CFAP20DC: variants seen among roughly 807,000 people sequenced by gnomAD.
CFAP20DC encodes CFAP20 domain containing, also known as protein CFAP20DC.
A neutral mutation model predicts 101.7 loss-of-function variants in CFAP20DC; 84 were observed. The ratio of observed to expected loss-of-function variants is 0.83; its 90% CI spans 0.69 to 0.99. The LOEUF is 0.99. CFAP20DC is among the 50% of genes least tolerant of loss of function. CFAP20DC has a pLI of 0.00. For missense variants in CFAP20DC, 1,007 were observed against 970.3 expected (o/e 1.04, Z -0.50); for synonymous variants, 359 against 351.2 (o/e 1.02, Z -0.25).
chr3:59,010,104 C>A (rs2093546392), intron 4 of CFAP20DC, among the ~76,000 whole-genome samples: 1 of 151,994 alleles, frequency 6.6e-6, no homozygotes, highest in Non-Finnish European at 1.5e-5. Flanking sequence ...AATAGAACCT[C>A]CTTAAAGCAT....
At chr3:58,996,889 C>T (rs1195715774) in intron 4 of CFAP20DC, among the ~76,000 whole-genome samples, 2 of 152,186 alleles carry the variant, frequency 1.3e-5, no homozygotes, top group East Asian at 1.9e-4. Flanking sequence ...CTGGGAAGAG[C>T]GCACACCGGG....
chr3:58,808,172 T>G (rs182668741), intron 14 of CFAP20DC, among the ~76,000 whole-genome samples: 1 of 152,150 alleles, frequency 6.6e-6, no homozygotes, highest in African/African-American at 2.4e-5. Flanking sequence ...TTCCCCAATC[T>G]AGCAAGGCAG....
intron 4 of CFAP20DC, among the ~76,000 whole-genome samples, chr3:58,974,814 T>C (rs1559925902): frequency 6.6e-6 from 1 of 152,160 alleles, no homozygotes; most frequent in Non-Finnish European, 1.5e-5. Context: ...AGCCCACTGC[T>C]ACTGGGCCAG....
chr3:58,800,864 G>T (rs1277365647), intron 15 of CFAP20DC, among the ~76,000 whole-genome samples: 1 of 151,804 alleles, frequency 6.6e-6, no homozygotes, highest in Non-Finnish European at 1.5e-5. Flanking sequence ...AGAGACACAA[G>T]AAAAAAAATC....
intron 3 of CFAP20DC, among the ~76,000 whole-genome samples, chr3:58,725,267 A>T (rs757256857): frequency 6.6e-6 from 1 of 152,164 alleles, no homozygotes; most frequent in African/African-American, 2.4e-5. Flanking sequence ...TCATCAGTGG[A>T]GAGCTCTGGC....
In CFAP20DC at chr3:58,892,203, C is replaced by T. The variant is rs1242818296; in HGVS notation, c.551-7494G>A. Among the ~76,000 whole-genome samples the T allele has an allele frequency of 1.3e-5, 2 of 152,102 alleles. No homozygotes were observed. Among genetic ancestry groups the T allele is most frequent in the African/African-American group, 2.4e-5 (1 of 41,414 alleles). On this transcript the variant is annotated intron_variant, in intron 6 of 16. Transcript: ENST00000482387. The surrounding 1 kb of genome is among the most constrained non-coding windows in gnomAD (Gnocchi z 4.0). ...TTCCACTGGTCTATGTGCCTGTTTT[C>T]GTATCAGTACCATGCTCTTTTGGTT...
chr3:58,891,452 AGGG>A (rs1473670704), intron 6 of CFAP20DC, among the ~76,000 whole-genome samples: 1 of 151,058 alleles, frequency 6.6e-6, no homozygotes, highest in East Asian at 2.0e-4. Context: ...GGAGAGGGAG[AGGG>A]AGAGGGAGAG....
At chr3:58,753,747 A>T (rs2107260529) in intron 16 of CFAP20DC, 22 bp downstream of exon 16, 1 of 1,452,252 alleles carries the variant, frequency 6.9e-7, no homozygotes, top group Non-Finnish European at 9.7e-7. Flanking sequence ...TTTCTTATGC[A>T]TATCGTTTTT....
intron 13 of CFAP20DC, among the ~76,000 whole-genome samples, chr3:58,837,663 C>G (rs2076829549): frequency 6.6e-6 from 1 of 152,010 alleles, no homozygotes; most frequent in Non-Finnish European, 1.5e-5. Context: ...ACAGTCTTAG[C>G]AGTGAAAAAA....
At chr3:58,980,882 A>G (rs987003265) in intron 4 of CFAP20DC, among the ~76,000 whole-genome samples, 5 of 152,246 alleles carry the variant, frequency 3.3e-5, no homozygotes, top group South Asian at 2.1e-4. Context: ...AAGGAAATAA[A>G]GGGTATTCAA....
At chr3:58,720,016 C>T (rs1187125402) in intron 3 of CFAP20DC, among the ~76,000 whole-genome samples, 2 of 152,246 alleles carry the variant, frequency 1.3e-5, no homozygotes, top group African/African-American at 2.4e-5. Flanking sequence ...GGGGCTTTTT[C>T]TGACCATGCC....
rs149873277 is a variant in CFAP20DC at position 58,926,132 on chromosome 3, G to A, written c.393+11516C>T. On this transcript the variant is annotated intron_variant, in intron 5 of 16. Transcript: ENST00000482387. ...TGTAATCCCAGCACTTTGGGAGGCT[G>A]AGGAAGGTGGATCATTTGAGGTCAG... Among the ~76,000 whole-genome samples, 709 of 152,160 alleles carry A rather than the reference G, an allele frequency of 4.7e-3. 3 individuals are homozygous for A. The highest frequency in any genetic ancestry group is 0.016 in the African/African-American group (681 of 41,524).
At chr3:58,941,327 C>CAAAAAAAAAAAAAAAAAAAAA (rs752324535) in intron 4 of CFAP20DC, among the ~76,000 whole-genome samples, 2 of 19,510 alleles carry the variant, frequency 1.0e-4, no homozygotes, top group African/African-American at 3.7e-4. Flanking sequence ...GACTCCGTCT[C>CAAAAAAAAAAAAAAAAAAAAA]AAAAAAAAAA....
intron 14 of CFAP20DC, among the ~76,000 whole-genome samples, chr3:58,827,439 G>C (rs1035162017): frequency 6.7e-6 from 1 of 150,304 alleles, no homozygotes; most frequent in Non-Finnish European, 1.5e-5. Flanking sequence ...GGTGGGTAGC[G>C]AGACAAGCAA....
chr3:58,878,588 G>A (rs1319948949), intron 7 of CFAP20DC, among the ~76,000 whole-genome samples: 1 of 152,132 alleles, frequency 6.6e-6, no homozygotes, highest in Admixed American at 6.5e-5. Context: ...TTTACAAGCC[G>A]TGGTAGATAA....
At chr3:58,718,007 C>A (rs141911478) in intron 3 of CFAP20DC, among the ~76,000 whole-genome samples, 418 of 152,302 alleles carry the variant, frequency 2.7e-3, no homozygotes, top group Non-Finnish European at 4.8e-3. Context: ...TGGAGAAATT[C>A]AAGTTTGGCT....
chr3:58,943,933 G>T (rs1359201893), intron 4 of CFAP20DC, among the ~76,000 whole-genome samples: 1 of 152,002 alleles, frequency 6.6e-6, no homozygotes, highest in Non-Finnish European at 1.5e-5. Context: ...GCATACGCAA[G>T]TATCAATAGC....
chr3:58,934,426 G>A (rs1468592462), intron 5 of CFAP20DC, among the ~76,000 whole-genome samples: 4 of 152,072 alleles, frequency 2.6e-5, no homozygotes, highest in Non-Finnish European at 5.9e-5. Context: ...ATTTTATGAG[G>A]CCAGCATCAT....
intron 15 of CFAP20DC, among the ~76,000 whole-genome samples, chr3:58,772,436 CA>C: frequency 1.3e-5 from 2 of 152,128 alleles, no homozygotes; most frequent in African/African-American, 4.8e-5. Context: ...AGTAGCTTGG[CA>C]AAAGTTCTAA....
Sources: gnomAD v4.1 joint callset for allele counts (sites outside exome capture counted in the v4.1 genomes callset) on GRCh38, gnomAD v4.1.1 for gene constraint, Gnocchi (gnomAD v3.1) non-coding constraint, MANE v1.5 for transcripts, NCBI Gene and HGNC (gene_info 2026-07-23, HGNC 2026-07-21) for gene names.